MAGEL2: variants seen among roughly 807,000 people sequenced by gnomAD.
MAGEL2 encodes MAGE-like protein 2.
For missense variants in MAGEL2, 1,830 were observed against 1,699.2 expected (o/e 1.08, Z -1.35); for synonymous variants, 792 against 721.7 (o/e 1.10, Z -1.56).
At position 23,645,105 on chromosome 15, in the gene MAGEL2, G is replaced by A. The variant is rs764155137; in HGVS notation, c.2638C>T (p.Arg880Cys). Residue 880 changes from arginine to cysteine, a missense_variant, in exon 1 of 1, where the codon CGC becomes TGC. By Grantham distance (180) the Arg-to-Cys change is radical. Transcript: ENST00000650528. Reference sequence around the variant, plus strand: ...TTCCGGGTGGCCTTGCCGGAGCGGCGTGGCGGCTCGACGGAGGTCTTGGAG... The same window carrying A: ...TTCCGGGTGGCCTTGCCGGAGCGGCATGGCGGCTCGACGGAGGTCTTGGAG... ...EASKTSVEPPRRSGKATRKKK... is the reference protein window; with the variant it reads ...EASKTSVEPPCRSGKATRKKK... The A allele has an allele frequency of 1.8e-5, 29 of 1,613,740 alleles. No homozygotes were observed. In the East Asian group the frequency reaches 3.3e-4, roughly 19 times the overall value.
Position 23,647,342 on chromosome 15 carries a change from G to A in MAGEL2, c.401C>T (p.Ala134Val), listed in dbSNP as rs967596793. The A allele has an allele frequency of 6.5e-7, 1 of 1,536,702 alleles. No individual in the cohort carries two copies. Among genetic ancestry groups the A allele is most frequent in the Non-Finnish European group, 8.7e-7 (1 of 1,146,752 alleles). Residue 134 changes from alanine to valine, a missense_variant, in exon 1 of 1, where the codon GCT becomes GTT. By Grantham distance (64) the Ala-to-Val change is moderately conservative. Coordinates refer to ENST00000650528, the MANE Select transcript of MAGEL2 (RefSeq NM_019066.5). ...AGGATGGGCCATGGGAGCTCCGGGA[G>A]CTGAAGGATGCACCATCAGGACTCC... ...TPGVLMVHPS[A>V]PGAPMAHPPP...
chr15:23,646,506 G>A lies in MAGEL2; in HGVS notation c.1237C>T (p.Pro413Ser). 1 of 1,459,474 alleles carries A rather than the reference G, an allele frequency of 6.9e-7. No individual in the cohort carries two copies. The highest frequency in any genetic ancestry group is 1.4e-5 in the South Asian group (1 of 70,330). 90.4% of individuals were successfully genotyped at this position (1,459,474 alleles called of 1,614,324 possible). Residue 413 changes from proline (P) to serine (S), a missense_variant, in exon 1 of 1, where the codon CCC becomes TCC. Physicochemically the swap from Pro to Ser is moderately conservative, Grantham distance 74. Transcript: ENST00000650528. This position sits in a 1 kb window ranked among gnomAD's most constrained non-coding sequence, Gnocchi z 4.2. ...GGTGGGCCAGGGCGGATGGGCGGGG[G>A]CCCCTGGCGCATGGGCGGCGGCACC... ...WQVPPPMRQG[P>S]PPIRPGPPPI...
chr15:23,646,931 G>C lies in MAGEL2; in HGVS notation c.812C>G (p.Pro271Arg), dbSNP rs749726173. ...QPPPAAMMTQ[P>R]QPSGAPMAKP... ...GGCCATCGGTGCTCCTGAAGGCTGA[G>C]GCTGGGTCATCATGGCTGCTGGAGG... Residue 271 changes from proline (P) to arginine (R), a missense_variant, in exon 1 of 1, where the codon CCT (proline) becomes CGT (arginine). Transcript: ENST00000650528. This position sits in a 1 kb window ranked among gnomAD's most constrained non-coding sequence, Gnocchi z 4.2. The C allele has an allele frequency of 4.8e-5, 74 of 1,536,992 alleles. No individual in the cohort carries two copies. Among genetic ancestry groups the C allele is most frequent in the Non-Finnish European group, 5.3e-5 (61 of 1,146,910 alleles).
Position 23,646,148 on chromosome 15 carries a change from G to GGCAGCCTAGCCTGCGGGGCCT in MAGEL2, c.1574_1594dup (p.Gln525_Leu531dup), listed in dbSNP as rs1566784552. 2.5e-5 allele frequency: 34 copies of GGCAGCCTAGCCTGCGGGGCCT among 1,345,076 alleles called. No homozygotes were observed. The highest frequency in any genetic ancestry group is 2.8e-5 in the Non-Finnish European group (30 of 1,056,884). The allele number at this position is 1,345,076 out of a possible 1,614,324, so 83.3% of individuals were successfully genotyped here. A position where few individuals can be genotyped will look rare whatever the true frequency, so the allele number is the denominator to read the frequency against. On this transcript the variant is annotated inframe_insertion, in exon 1 of 1. Transcript: ENST00000650528. The surrounding 1 kb of genome is among the most constrained non-coding windows in gnomAD (Gnocchi z 4.2). ...CGGCGCCGCCTGCACCTGCGGGGCC[G>GGCAGCCTAGCCTGCGGGGCCT]GCAGCCTAGCCTGCGGGGCCTGCCG...
chr15:23,646,827 C>A lies in MAGEL2; in HGVS notation c.916G>T (p.Ala306Ser). ...GGGGCCGCCGGCTGTGCCATCGGTG[C>A]TCCTGAAGCTGGAGGCTGGGTCATC... ...APMTQPPASG[A>S]PMAQPAAPPA... Residue 306 changes from alanine (A) to serine (S), a missense_variant, in exon 1 of 1, where the codon GCA becomes TCA. Ala to Ser is a moderately conservative substitution (Grantham distance 99). Coordinates refer to ENST00000650528, the MANE Select transcript of MAGEL2 (RefSeq NM_019066.5). The surrounding 1 kb of genome is among the most constrained non-coding windows in gnomAD (Gnocchi z 4.2). 6.5e-7 allele frequency: 1 copy of A among 1,536,380 alleles called. No individual in the cohort carries two copies. The highest frequency in any genetic ancestry group is 8.7e-7 in the Non-Finnish European group (1 of 1,146,858).
rs749213689 is a variant in MAGEL2 at position 23,644,211 on chromosome 15, C to T, written c.3532G>A (p.Ala1178Thr). Residue 1178 changes from alanine to threonine, a missense_variant, in exon 1 of 1, where the codon GCA becomes ACA. Physicochemically the swap from Ala to Thr is moderately conservative, Grantham distance 58. Transcript: ENST00000650528. ...GGGCCCCAGAGGAACTCATACTCTG[C>T]GGGCTCAGTGTAAGGGATTCGCCTG... ...EYRRIPYTEP[A>T]EYEFLWGPRA... is the part of the protein sequence containing the mutation. The T allele has an allele frequency of 9.9e-6, 16 of 1,613,706 alleles. No individual in the cohort carries two copies. The highest frequency in any genetic ancestry group is 6.7e-5 in the African/African-American group (5 of 74,924).
Position 23,647,346 on chromosome 15 carries a change from A to C in MAGEL2, c.397T>G (p.Ser133Ala). The change falls in exon 1 of 1, where the codon TCA becomes GCA. Residue 133 changes from serine to alanine, a missense_variant. Coordinates refer to ENST00000650528, the MANE Select transcript of MAGEL2 (RefSeq NM_019066.5). ...TGGGCCATGGGAGCTCCGGGAGCTG[A>C]AGGATGCACCATCAGGACTCCCGGG... is the stretch of plus-strand genomic sequence containing the variant. ...PTPGVLMVHP[S>A]APGAPMAHPP... 2.0e-6 allele frequency: 3 copies of C among 1,487,524 alleles called. No homozygotes were observed. The highest frequency in any genetic ancestry group is 2.7e-6 in the Non-Finnish European group (3 of 1,123,568). 92.1% of individuals were successfully genotyped at this position (1,487,524 alleles called of 1,614,324 possible).
Position 23,646,857 on chromosome 15 carries a change from C to T in MAGEL2, c.886G>A (p.Ala296Thr). ...GAAGCTGGAGGCTGGGTCATCGGAG[C>T]TCTCGCACCTGGAGGATGAATCATC... is the stretch of plus-strand genomic sequence containing the variant. ...VLMIHPPGAR[A>T]PMTQPPASGA... is the part of the protein sequence containing the mutation. The change falls in exon 1 of 1, where the codon GCT (alanine) becomes ACT (threonine). Residue 296 changes from alanine to threonine, a missense_variant. Ala to Thr is a moderately conservative substitution (Grantham distance 58). Transcript: ENST00000650528. This position sits in a 1 kb window ranked among gnomAD's most constrained non-coding sequence, Gnocchi z 4.2. 6.5e-7 allele frequency: 1 copy of T among 1,536,662 alleles called. No individual in the cohort carries two copies. The highest frequency in any genetic ancestry group is 1.4e-5 in the African/African-American group (1 of 73,134).
At position 23,644,108 on chromosome 15, in the gene MAGEL2, C is replaced by G; in HGVS notation, c.3635G>C (p.Trp1212Ser). ...AKLHKKDPQS[W>S]PFHYLEALAE... ...GAGCGCTTCAAGGTAATGGAATGGC[C>G]AGCTCTGTGGATCTTTCTTATGGAG... Residue 1212 changes from tryptophan to serine, a missense_variant, in exon 1 of 1, where the codon TGG (tryptophan) becomes TCG (serine). Physicochemically the swap from Trp to Ser is radical, Grantham distance 177. Coordinates refer to ENST00000650528, the MANE Select transcript of MAGEL2 (RefSeq NM_019066.5). The G allele has an allele frequency of 6.2e-7, 1 of 1,613,940 alleles. No individual in the cohort carries two copies. Among genetic ancestry groups the G allele is most frequent in the South Asian group, 1.1e-5 (1 of 91,082 alleles).
Position 23,645,490 on chromosome 15 carries a change from G to T in MAGEL2, c.2253C>A (p.Ile751=). ...ERRAPSKDRM[I]FAATFCAPKA... is the part of the protein sequence containing the mutation. ...TGGGAGCACAGAAGGTGGCAGCAAA[G>T]ATCATGCGGTCTTTTGAAGGGGCCC... Residue 751 remains isoleucine, a synonymous_variant, in exon 1 of 1, where the codon ATC becomes ATA. Transcript: ENST00000650528. 1 of 1,614,002 alleles carries T rather than the reference G, an allele frequency of 6.2e-7. No individual in the cohort carries two copies. Among genetic ancestry groups the T allele is most frequent in the Non-Finnish European group, 8.5e-7 (1 of 1,179,906 alleles).
At position 23,647,862 on chromosome 15, in the gene MAGEL2, G is replaced by A; in HGVS notation, c.-120C>T. 1 of 1,057,538 alleles carries A rather than the reference G, an allele frequency of 9.5e-7. No homozygotes were observed. Among genetic ancestry groups the A allele is most frequent in the East Asian group, 2.8e-5 (1 of 35,680 alleles). 65.5% of individuals were successfully genotyped at this position (1,057,538 alleles called of 1,614,324 possible). A position where few individuals can be genotyped will look rare whatever the true frequency, so the allele number is the denominator to read the frequency against. On this transcript the variant is annotated 5_prime_UTR_variant, in exon 1 of 1. Coordinates refer to ENST00000650528, the MANE Select transcript of MAGEL2 (RefSeq NM_019066.5). ...CTCCCTCCCTGCTGAATGCTGAATA[G>A]GAAGTGAGTGCTGCTCGCTCCGCAG...
rs1890362108 is a variant in MAGEL2, at chr15:23,644,961, T to C, written c.2782A>G (p.Ile928Val). The C allele has an allele frequency of 6.2e-7, 1 of 1,613,650 alleles. No individual in the cohort carries two copies. The highest frequency in any genetic ancestry group is 1.1e-5 in the South Asian group (1 of 91,086). ...TGCTCCCAGTCACCCGAGACCTGGATAGGGCTTTGGACCTCCCAGTCACTC... is the reference window on the plus strand; with the variant it reads ...TGCTCCCAGTCACCCGAGACCTGGACAGGGCTTTGGACCTCCCAGTCACTC... ...NLSDWEVQSP[I>V]QVSGDWEHPN... Residue 928 changes from isoleucine to valine, a missense_variant, in exon 1 of 1, where the codon ATC becomes GTC. Transcript: ENST00000650528.
At position 23,646,144 on chromosome 15, in the gene MAGEL2, G is replaced by A; in HGVS notation, c.1599C>T (p.Ala533=). The A allele has an allele frequency of 2.2e-6, 3 of 1,347,700 alleles. No homozygotes were observed. The South Asian group carries it at 5.7e-5, about 26-fold the overall frequency. The allele number at this position is 1,347,700 out of a possible 1,614,324, so 83.5% of individuals were successfully genotyped here. ...CCTGCGGCGCCGCCTGCACCTGCGGGGCCGGCAGCCTAGCCTGCGGGGCCT... is the reference window on the plus strand; with the variant it reads ...CCTGCGGCGCCGCCTGCACCTGCGGAGCCGGCAGCCTAGCCTGCGGGGCCT... ...LRQAPQARLP[A]PQVQAAPQVP... Residue 533 remains alanine (A), a synonymous_variant, in exon 1 of 1, where the codon GCC becomes GCT. Coordinates refer to ENST00000650528, the MANE Select transcript of MAGEL2 (RefSeq NM_019066.5). The surrounding 1 kb of genome is among the most constrained non-coding windows in gnomAD (Gnocchi z 4.2).
In MAGEL2 at chr15:23,646,471, G is replaced by A. The variant is rs1890407986; in HGVS notation, c.1272C>T (p.Arg424=). ...PPIRPGPPPI[R]PGPPPVRQAP... ...CCTGTCGCACCGGTGGTGGGCCAGGGCGGATGGGTGGTGGGCCAGGGCGGA... is the reference window on the plus strand; with the variant it reads ...CCTGTCGCACCGGTGGTGGGCCAGGACGGATGGGTGGTGGGCCAGGGCGGA... Residue 424 remains arginine (R), a synonymous_variant, in exon 1 of 1, where the codon CGC becomes CGT. Transcript: ENST00000650528. This position sits in a 1 kb window ranked among gnomAD's most constrained non-coding sequence, Gnocchi z 4.2. The A allele has an allele frequency of 6.9e-7, 1 of 1,439,468 alleles. No individual in the cohort carries two copies. Among genetic ancestry groups the A allele is most frequent in the Non-Finnish European group, 9.1e-7 (1 of 1,104,200 alleles). The allele number at this position is 1,439,468 out of a possible 1,614,324, so 89.2% of individuals were successfully genotyped here.
In MAGEL2 at chr15:23,647,255, G is replaced by C. The variant is rs1292601026; in HGVS notation, c.488C>G (p.Pro163Arg). Residue 163 changes from proline (P) to arginine (R), a missense_variant, in exon 1 of 1, where the codon CCT becomes CGT. Pro to Arg is a moderately radical substitution (Grantham distance 103). Transcript: ENST00000650528. ...ATGGGCCATCGGGGTCCCCGGAGGA[G>C]GAGGATGGGCCATTGGGGTCCCCGG... The part of the protein sequence containing the change: ...PPPGTPMAHP[P>R]PPGTPMAHPP... The C allele has an allele frequency of 2.6e-6, 4 of 1,529,818 alleles. No homozygotes were observed. Among genetic ancestry groups the C allele is most frequent in the African/African-American group, 2.7e-5 (2 of 72,972 alleles). The allele number at this position is 1,529,818 out of a possible 1,614,324, so 94.8% of individuals were successfully genotyped here. A position where few individuals can be genotyped will look rare whatever the true frequency, so the allele number is the denominator to read the frequency against.
rs1277667643 is a variant in MAGEL2, at chr15:23,647,374, C to T, written c.369G>A (p.Pro123=). Residue 123 remains proline (P), a synonymous_variant, in exon 1 of 1, where the codon CCG becomes CCA. Coordinates refer to ENST00000650528, the MANE Select transcript of MAGEL2 (RefSeq NM_019066.5). The stretch of plus-strand genomic sequence containing the variant: ...GATGCACCATCAGGACTCCCGGGGT[C>T]GGAGGCTGGGCCATCGGGGCTCCCG... ...PPPGAPMAQP[P]TPGVLMVHPS... is the part of the protein sequence containing the mutation. The T allele has an allele frequency of 2.6e-6, 4 of 1,526,838 alleles. No homozygotes were observed. Among genetic ancestry groups the T allele is most frequent in the Middle Eastern group, 1.7e-4 (1 of 5,896 alleles). The allele number at this position is 1,526,838 out of a possible 1,614,324, so 94.6% of individuals were successfully genotyped here.
rs776000743 is a variant in MAGEL2, at chr15:23,645,133, C to T, written c.2610G>A (p.Glu870=). The part of the protein sequence containing the change: ...AAPQATATTQ[E]ASKTSVEPPR... ...GCGGCTCGACGGAGGTCTTGGAGGC[C>T]TCTTGAGTGGTGGCAGTTGCCTGGG... is the stretch of plus-strand genomic sequence containing the variant. The change falls in exon 1 of 1, where the codon GAG becomes GAA. Residue 870 remains glutamate (E), a synonymous_variant. Transcript: ENST00000650528. The T allele has an allele frequency of 1.8e-5, 29 of 1,613,656 alleles. No homozygotes were observed. In the Admixed American group the frequency reaches 4.8e-4, roughly 27 times the overall value.
Position 23,644,662 on chromosome 15 carries a change from C to T in MAGEL2, c.3081G>A (p.Leu1027=). 6.2e-7 allele frequency: 1 copy of T among 1,613,862 alleles called. No homozygotes were observed. Residue 1027 remains leucine (L), a synonymous_variant, in exon 1 of 1, where the codon TTG becomes TTA. Coordinates refer to ENST00000650528, the MANE Select transcript of MAGEL2 (RefSeq NM_019066.5). ...LSPLDERANA[L]VQFLLVKDQA... ...GGTCCTTGACTAAGAGGAACTGCAC[C>T]AACGCATTTGCCCTCTCATCCAAGG...
rs1382518216 is a variant in MAGEL2 at position 23,643,885 on chromosome 15, C to T, written c.*108G>A. ...TACGAAACCAAGTTGAAAATCCAAA[C>T]GTACACTCGTGGAACTGGAACACAA... On this transcript the variant is annotated 3_prime_UTR_variant, in exon 1 of 1. Coordinates refer to ENST00000650528, the MANE Select transcript of MAGEL2 (RefSeq NM_019066.5). 7 of 1,274,164 alleles carry T rather than the reference C, an allele frequency of 5.5e-6. No individual in the cohort carries two copies. Among genetic ancestry groups the T allele is most frequent in the Admixed American group, 3.1e-5 (1 of 32,044 alleles). The allele number at this position is 1,274,164 out of a possible 1,614,324, so 78.9% of individuals were successfully genotyped here.
Sources: gnomAD v4.1 joint callset for allele counts on GRCh38, gnomAD v4.1.1 for gene constraint, Gnocchi (gnomAD v3.1) non-coding constraint, MANE v1.5 for transcripts, NCBI Gene and HGNC (gene_info 2026-07-23, HGNC 2026-07-21) for gene names.